Variants in NKAIN2 observed in about 807,000 individuals in gnomAD.
NKAIN2 encodes the protein sodium/potassium-transporting ATPase subunit beta-1-interacting protein 2.
In NKAIN2, 14 loss-of-function variants were observed where a neutral mutation model predicts 32.6. That is an observed-to-expected ratio of 0.43 (90% CI 0.28 to 0.67). NKAIN2 has a LOEUF of 0.67. Among genes scored for constraint, NKAIN2 ranks in the 30% least tolerant of loss-of-function variants. The pLI is 0.17. For missense variants in NKAIN2, 198 were observed against 258.3 expected (o/e 0.77, Z 1.60); for synonymous variants, 80 against 87.2 (o/e 0.92, Z 0.46).
intron 4 of NKAIN2, among the ~76,000 whole-genome samples, chr6:124,719,324 C>T (rs6569394): frequency 0.46 from 70,174 of 151,674 alleles, 16,472 homozygotes; most frequent in African/African-American, 0.51. Flanking sequence ...TTTTTTCTGA[C>T]TATGGTACAT....
At chr6:124,337,212 A>T (rs1301750985) in intron 2 of NKAIN2, among the ~76,000 whole-genome samples, 1 of 152,118 alleles carries the variant, frequency 6.6e-6, no homozygotes, top group African/African-American at 2.4e-5. Context: ...ACAAAAAAAT[A>T]CTCGCTGGGT....
intron 1 of NKAIN2, among the ~76,000 whole-genome samples, chr6:124,223,675 T>G (rs533155435): frequency 1.3e-5 from 2 of 152,348 alleles, no homozygotes; most frequent in East Asian, 3.9e-4. Flanking sequence ...AACTTCATTT[T>G]CTTGATTTGT....
intron 3 of NKAIN2, among the ~76,000 whole-genome samples, chr6:124,489,934 T>C (rs1777796325): frequency 6.6e-6 from 1 of 151,888 alleles, no homozygotes; most frequent in Non-Finnish European, 1.5e-5. Context: ...CATTTCCCTC[T>C]TTGGTCATAT....
At chr6:124,560,962 T>C (rs979549603) in intron 3 of NKAIN2, among the ~76,000 whole-genome samples, 1 of 152,164 alleles carries the variant, frequency 6.6e-6, no homozygotes, top group Non-Finnish European at 1.5e-5. Context: ...CCAGACATTC[T>C]AGTGAAGCCC....
intron 1 of NKAIN2, among the ~76,000 whole-genome samples, chr6:124,069,848 T>C (rs1369264783): frequency 2.0e-5 from 3 of 152,192 alleles, no homozygotes; most frequent in Admixed American, 6.6e-5. Context: ...TATGCCAAAT[T>C]CCAGATGGTC....
intron 3 of NKAIN2, among the ~76,000 whole-genome samples, chr6:124,583,242 AAC>A (rs1554229440): frequency 4.6e-5 from 7 of 151,692 alleles, no homozygotes; most frequent in Non-Finnish European, 1.0e-4. Context: ...AAAAAAAAAA[AAC>A]ATTAAAATTG....
intron 1 of NKAIN2, among the ~76,000 whole-genome samples, chr6:123,808,847 A>G (rs1370749269): frequency 6.6e-6 from 1 of 152,182 alleles, no homozygotes; most frequent in Admixed American, 6.5e-5. Context: ...TTCAGAGTGG[A>G]AGTCAGGGAT....
chr6:124,454,824 C>T (rs1776256900), intron 3 of NKAIN2, among the ~76,000 whole-genome samples: 1 of 152,040 alleles, frequency 6.6e-6, no homozygotes, highest in African/African-American at 2.4e-5. Flanking sequence ...TTCAGGACTA[C>T]TTAACAGGAC....
chr6:124,646,864 T>C (rs1427868992), intron 3 of NKAIN2, among the ~76,000 whole-genome samples: 1 of 151,928 alleles, frequency 6.6e-6, no homozygotes. Context: ...GGCAGAAGAA[T>C]TGCTTGAAGT....
chr6:123,811,141 A>G lies in NKAIN2; in HGVS notation c.54+6887A>G, dbSNP rs553305642. Among the ~76,000 whole-genome samples, 50 of 152,324 alleles carry G rather than the reference A, an allele frequency of 3.3e-4. No individual in the cohort carries two copies. The South Asian group carries it at 9.9e-3, about 30-fold the overall frequency. On this transcript the variant is annotated intron_variant, in intron 1 of 6. Coordinates refer to ENST00000368417, the MANE Select transcript of NKAIN2 (RefSeq NM_001040214.3). ...TGAAATTCTTCAATCCAACTAGATAATTAACTAAATTCTTCCTATGGCCTT... is the reference window on the plus strand; with the variant it reads ...TGAAATTCTTCAATCCAACTAGATAGTTAACTAAATTCTTCCTATGGCCTT...
At chr6:124,786,728 A>G (rs1264759880) in intron 4 of NKAIN2, among the ~76,000 whole-genome samples, 1 of 152,194 alleles carries the variant, frequency 6.6e-6, no homozygotes, top group African/African-American at 2.4e-5. Context: ...AATGACAAAG[A>G]CTAAAACAAC....
chr6:123,817,532 C>G (rs1773744183), intron 1 of NKAIN2, among the ~76,000 whole-genome samples: 1 of 152,072 alleles, frequency 6.6e-6, no homozygotes, highest in African/African-American at 2.4e-5. Context: ...AGACTGGAGC[C>G]TGACGGTTGC....
chr6:124,297,445 G>A (rs992850064), intron 2 of NKAIN2, among the ~76,000 whole-genome samples: 4 of 152,076 alleles, frequency 2.6e-5, no homozygotes, highest in African/African-American at 9.7e-5. Context: ...TTCATGTTGA[G>A]TAGGCTGAAG....
Position 123,842,822 on chromosome 6 carries a change from C to T in NKAIN2, c.54+38568C>T, listed in dbSNP as rs150181650. ...TGTCTGTAGTTTTTGCTCTGAATTT[C>T]TACTCAAGCTCTACGAGTGAGGCTC... On this transcript the variant is annotated intron_variant, in intron 1 of 6. Coordinates refer to ENST00000368417, the MANE Select transcript of NKAIN2 (RefSeq NM_001040214.3). Among the ~76,000 whole-genome samples the T allele has an allele frequency of 9.9e-5, 15 of 152,276 alleles. 1 individual carries two copies. In the East Asian group the frequency reaches 2.1e-3, roughly 22 times the overall value.
At chr6:124,616,647 G>T (rs1782914453) in intron 3 of NKAIN2, among the ~76,000 whole-genome samples, 1 of 150,822 alleles carries the variant, frequency 6.6e-6, no homozygotes, top group African/African-American at 2.4e-5. Context: ...TGTATTTTTA[G>T]TAGAGACGGG....
At chr6:124,640,361 A>T (rs1783938464) in intron 3 of NKAIN2, among the ~76,000 whole-genome samples, 2 of 152,206 alleles carry the variant, frequency 1.3e-5, no homozygotes, top group South Asian at 4.1e-4. Flanking sequence ...TTTTAAAATT[A>T]GTAAAATTGT....
At chr6:124,753,388 G>T (rs1777817221) in intron 4 of NKAIN2, among the ~76,000 whole-genome samples, 1 of 152,076 alleles carries the variant, frequency 6.6e-6, no homozygotes, top group Non-Finnish European at 1.5e-5. Context: ...GCATAAAATT[G>T]TATTCAGCAA....
chr6:124,691,852 A>T (rs1774269477), intron 4 of NKAIN2, among the ~76,000 whole-genome samples: 1 of 152,224 alleles, frequency 6.6e-6, no homozygotes, highest in Admixed American at 6.5e-5. Context: ...AACACACGGT[A>T]ATAAACTGAA....
At chr6:124,806,042 G>A (rs553983695) in intron 5 of NKAIN2, among the ~76,000 whole-genome samples, 10 of 151,156 alleles carry the variant, frequency 6.6e-5, no homozygotes, top group Non-Finnish European at 1.3e-4. Flanking sequence ...CGGGGAGAAC[G>A]GAACCAAGTT....
Sources: allele counts gnomAD v4.1 joint callset (sites outside exome capture counted in the v4.1 genomes callset), GRCh38; gene constraint gnomAD v4.1.1; transcripts MANE v1.5; gene names NCBI Gene and HGNC (gene_info 2026-07-23, HGNC 2026-07-21).